Variants in TPD52 observed in about 807,000 individuals in gnomAD.
TPD52 encodes prostate and colon associated protein.
TPD52 carries 17 observed loss-of-function variants against 31.3 expected under a neutral mutation model. The observed-to-expected ratio is 0.54, with a 90% CI of 0.37 to 0.82. TPD52 has a LOEUF of 0.82. Ranked by LOEUF, TPD52 falls within the 40% of genes least tolerant of loss-of-function variation. TPD52 has a pLI of 0.00. For missense variants in TPD52, 212 were observed against 240.1 expected (o/e 0.88, Z 0.77); for synonymous variants, 83 against 89.6 (o/e 0.93, Z 0.42).
intron 1 of TPD52, among the ~76,000 whole-genome samples, chr8:80,085,481 G>A (rs905076623): frequency 3.9e-5 from 6 of 152,146 alleles, no homozygotes; most frequent in Non-Finnish European, 5.9e-5. Flanking sequence ...ACGTCAAAGG[G>A]AGACAATGTG....
chr8:80,044,326 A>G (rs778379300), intron 5 of TPD52, 118 bp from the exon 6 acceptor site: 38 of 762,586 alleles, frequency 5.0e-5, no homozygotes, highest in Admixed American at 7.3e-5. Context: ...GCCATGAAGA[A>G]TTACCTACTT....
chr8:80,064,005 A>G (rs1043970180), intron 2 of TPD52, among the ~76,000 whole-genome samples: 56 of 115,714 alleles, frequency 4.8e-4, no homozygotes, highest in African/African-American at 1.4e-3. Context: ...AGGAAGAAAG[A>G]GAGGGGAAGG....
intron 1 of TPD52, among the ~76,000 whole-genome samples, chr8:80,164,151 C>A (rs1811558781): frequency 2.0e-5 from 3 of 151,494 alleles, no homozygotes; most frequent in Admixed American, 2.0e-4. Context: ...TAAGTTGATT[C>A]TAATGTTCGT....
intron 1 of TPD52, among the ~76,000 whole-genome samples, chr8:80,075,131 C>A (rs902001321): frequency 6.6e-6 from 1 of 152,116 alleles, no homozygotes. Context: ...AGGCGCCCAC[C>A]ACCATACCTG....
intron 1 of TPD52, among the ~76,000 whole-genome samples, chr8:80,084,763 T>C (rs1471894918): frequency 6.6e-6 from 1 of 152,208 alleles, no homozygotes; most frequent in Non-Finnish European, 1.5e-5. Flanking sequence ...GTTGAACACA[T>C]CCTAAACTTA....
At chr8:80,100,966 G>GCA (rs1326792416) in intron 1 of TPD52, among the ~76,000 whole-genome samples, 2 of 152,160 alleles carry the variant, frequency 1.3e-5, no homozygotes, top group African/African-American at 4.8e-5. Flanking sequence ...GCACCCCATG[G>GCA]CACAGTCAAG....
chr8:80,164,189 GA>G (rs949397190), intron 1 of TPD52, among the ~76,000 whole-genome samples: 1 of 151,240 alleles, frequency 6.6e-6, no homozygotes, highest in African/African-American at 2.4e-5. Flanking sequence ...AGAATACCTA[GA>G]AAAAAACTGA....
intron 1 of TPD52, among the ~76,000 whole-genome samples, chr8:80,090,155 G>A (rs895504673): frequency 2.0e-5 from 3 of 152,200 alleles, no homozygotes; most frequent in Non-Finnish European, 4.4e-5. Flanking sequence ...ACTCTGGGAG[G>A]CTGAGGCAGG....
chr8:80,060,622 C>T (rs944787300), intron 2 of TPD52, among the ~76,000 whole-genome samples: 1 of 149,384 alleles, frequency 6.7e-6, no homozygotes, highest in Non-Finnish European at 1.5e-5. Flanking sequence ...TAAAACATGA[C>T]CAAGTGGAAT....
At chr8:80,062,551 G>A (rs559925783) in intron 2 of TPD52, among the ~76,000 whole-genome samples, 9 of 152,240 alleles carry the variant, frequency 5.9e-5, no homozygotes, top group African/African-American at 2.2e-4. Flanking sequence ...CACCCACTAG[G>A]ACTACTATAA....
chr8:80,124,466 C>T (rs185981461), intron 1 of TPD52, among the ~76,000 whole-genome samples: 21 of 152,284 alleles, frequency 1.4e-4, no homozygotes, highest in African/African-American at 4.6e-4. Context: ...AGCCACCCTG[C>T]CCAGCCTGGC....
chr8:80,050,818 G>A (rs1416358606), intron 4 of TPD52, among the ~76,000 whole-genome samples: 2 of 152,034 alleles, frequency 1.3e-5, no homozygotes, highest in African/African-American at 2.4e-5. Flanking sequence ...AAAACACGAA[G>A]CCATGCAATC....
rs1428171374 is a variant in TPD52, at chr8:80,080,210, C to T, written c.20-15617G>A. ...CTTATTAGCTAGTTACAACCCAACA[C>T]CACCCTGGTACATCTTTACACTAAC... On this transcript the variant is annotated intron_variant, in intron 1 of 7. Coordinates refer to ENST00000518937, the MANE Select transcript of TPD52 (RefSeq NM_001025253.3). 7 of 999,120 alleles carry T rather than the reference C, an allele frequency of 7.0e-6. No homozygotes were observed. In the South Asian group the frequency reaches 7.8e-5, roughly 11 times the overall value. The allele number at this position is 999,120 out of a possible 1,614,324, so 61.9% of individuals were successfully genotyped here. A position where few individuals can be genotyped will look rare whatever the true frequency, so the allele number is the denominator to read the frequency against.
intron 1 of TPD52, among the ~76,000 whole-genome samples, chr8:80,124,878 T>C (rs1201208077): frequency 1.3e-5 from 2 of 152,164 alleles, no homozygotes; most frequent in Non-Finnish European, 2.9e-5. Flanking sequence ...GAGCAGAAAG[T>C]ACAGAGAGTT....
intron 1 of TPD52, among the ~76,000 whole-genome samples, chr8:80,105,729 C>CTT (rs57266800): frequency 6.2e-5 from 7 of 112,740 alleles, no homozygotes; most frequent in South Asian, 2.9e-4. Context: ...CCCAGGTCTG[C>CTT]TTTTTTTTTT....
chr8:80,163,054 GA>G (rs1272099888), intron 1 of TPD52, among the ~76,000 whole-genome samples: 1 of 152,172 alleles, frequency 6.6e-6, no homozygotes, highest in Non-Finnish European at 1.5e-5. Context: ...AGCTATTATG[GA>G]AAACAGTATG....
chr8:80,165,392 T>C (rs1811647279), intron 1 of TPD52, among the ~76,000 whole-genome samples: 1 of 152,206 alleles, frequency 6.6e-6, no homozygotes, highest in South Asian at 2.1e-4. Flanking sequence ...ACACATACAT[T>C]TGCTGCAGCT....
At chr8:80,077,460 T>C (rs768211410) in intron 1 of TPD52, among the ~76,000 whole-genome samples, 11 of 152,116 alleles carry the variant, frequency 7.2e-5, no homozygotes, top group Non-Finnish European at 1.5e-4. Flanking sequence ...AAGTGGCGTA[T>C]AAAGTATCAA....
At chr8:80,050,544 T>A in intron 4 of TPD52, 73 bp from the exon 5 acceptor site, 2 of 1,459,936 alleles carry the variant, frequency 1.4e-6, no homozygotes, top group Non-Finnish European at 1.9e-6. Flanking sequence ...ATAACCTAAG[T>A]TTTAAACATA....
Sources: allele counts gnomAD v4.1 joint callset (sites outside exome capture counted in the v4.1 genomes callset), GRCh38; gene constraint gnomAD v4.1.1; transcripts MANE v1.5; gene names NCBI Gene and HGNC (gene_info 2026-07-23, HGNC 2026-07-21).